The following CCDC180 variants were observed in gnomAD, a reference collection of about 807,000 sequenced individuals.
CCDC180 encodes coiled-coil domain-containing protein 180.
In CCDC180, 154 loss-of-function variants were observed where a neutral mutation model predicts 209.2. The observed-to-expected ratio is 0.74, with a 90% CI of 0.65 to 0.84. The LOEUF (loss-of-function observed/expected upper bound fraction) is 0.84, where lower values mean the gene tolerates loss of function less well. Among genes scored for constraint, CCDC180 ranks in the 40% least tolerant of loss-of-function variants. The pLI is 0.00. For missense variants in CCDC180, 1,874 were observed against 1,997.3 expected (o/e 0.94, Z 1.18); for synonymous variants, 778 against 749.1 (o/e 1.04, Z -0.63).
At chr9:97,362,167 A>G (rs751658633) in intron 27 of CCDC180, 29 bp from the exon 28 acceptor site, 24 of 1,594,242 alleles carry the variant, frequency 1.5e-5, no homozygotes, top group Admixed American at 1.3e-4. Context: ...TCACCGGAGA[A>G]GAGCTCACAC....
At chr9:97,361,063 G>A (rs1052396020) in intron 26 of CCDC180, among the ~76,000 whole-genome samples, 8 of 152,188 alleles carry the variant, frequency 5.3e-5, no homozygotes, top group African/African-American at 1.7e-4. Context: ...TAGCGTGAAG[G>A]TATTGAGTGA....
chr9:97,354,849 C>G, intron 23 of CCDC180, 43 bp from the exon 24 acceptor site: 2 of 1,565,212 alleles, frequency 1.3e-6, no homozygotes, highest in South Asian at 2.2e-5. Flanking sequence ...TCCAAAAGGT[C>G]CAAATTAAGC....
Position 97,312,186 on chromosome 9 carries a change from C to T in CCDC180, c.334C>T (p.Leu112Phe). 6.8e-6 allele frequency: 11 copies of T among 1,613,920 alleles called. No homozygotes were observed. The highest frequency in any genetic ancestry group is 8.5e-6 in the Non-Finnish European group (10 of 1,179,836). The change falls in exon 4 of 37, where the codon CTC (leucine) becomes TTC (phenylalanine). Residue 112 changes from leucine to phenylalanine, a missense_variant. Transcript: ENST00000529487. ...CATCGCTGCCCGAGAAGTGCGGGGTCTCATGGATACTATAGGTGAGCCTCC... is the reference window on the plus strand; with the variant it reads ...CATCGCTGCCCGAGAAGTGCGGGGTTTCATGGATACTATAGGTGAGCCTCC... ...NTIAAREVRG[L>F]MDTIVPEKIS... is the part of the protein sequence containing the mutation.
In CCDC180 at chr9:97,349,556, G is replaced by A. The variant is rs145857294; in HGVS notation, c.2855+265G>A. Among the ~76,000 whole-genome samples the A allele has an allele frequency of 3.6e-3, 552 of 152,338 alleles. 6 individuals carry two copies. Among genetic ancestry groups the A allele is most frequent in the African/African-American group, 0.013 (535 of 41,574 alleles). On this transcript the variant is annotated intron_variant, in intron 21 of 36. Transcript: ENST00000529487. ...CACCATGTGCTATGAAATATCAGTG[G>A]TGGGGAAGACCACTTCCCCTCAGGA... is the stretch of plus-strand genomic sequence containing the variant.
At chr9:97,311,066 G>A (rs1564144074) in intron 3 of CCDC180, among the ~76,000 whole-genome samples, 1 of 152,202 alleles carries the variant, frequency 6.6e-6, no homozygotes, top group Non-Finnish European at 1.5e-5. Flanking sequence ...GGGTGCAGGT[G>A]TTTGAAGATT....
Position 97,314,613 on chromosome 9 carries a change from C to T in CCDC180, c.589-5C>T, listed in dbSNP as rs1231057777. On this transcript the variant is annotated splice_region_variant and splice_polypyrimidine_tract_variant and intron_variant, in intron 6 of 36. Coordinates refer to ENST00000529487, the MANE Select transcript of CCDC180 (RefSeq NM_020893.6). ...TCCTAGCCTGACCCAAACTTCTCTG[C>T]GTAGGCCCTGCTGGAGCTGTGGGAT... The T allele has an allele frequency of 3.2e-5, 52 of 1,613,904 alleles. No homozygotes were observed. Among genetic ancestry groups the T allele is most frequent in the Non-Finnish European group, 4.0e-5 (47 of 1,179,974 alleles).
chr9:97,317,148 G>A lies in CCDC180; in HGVS notation c.879G>A (p.Glu293=). Residue 293 remains glutamate, a synonymous_variant, in exon 9 of 37, where the codon GAG becomes GAA. Coordinates refer to ENST00000529487, the MANE Select transcript of CCDC180 (RefSeq NM_020893.6). ...VNLMESTLQQ[E]LDSRHRWQGL... ...TGATGGAGTCCACCCTGCAGCAGGA[G>A]CTGGACAGCCGCCACCGCTGGCAAG... 6.2e-7 allele frequency: 1 copy of A among 1,613,356 alleles called. No homozygotes were observed. The highest frequency in any genetic ancestry group is 8.5e-7 in the Non-Finnish European group (1 of 1,179,824).
chr9:97,331,439 A>G (rs993013147), intron 18 of CCDC180, among the ~76,000 whole-genome samples: 4 of 152,194 alleles, frequency 2.6e-5, no homozygotes, highest in African/African-American at 9.7e-5. Context: ...TATATACACA[A>G]TAATGGGACT....
In CCDC180 at chr9:97,357,725, C is replaced by T. The variant is rs781760327; in HGVS notation, c.3363C>T (p.Thr1121=). Residue 1121 remains threonine, a splice_region_variant and synonymous_variant, in exon 25 of 37, where the codon ACC becomes ACT. Coordinates refer to ENST00000529487, the MANE Select transcript of CCDC180 (RefSeq NM_020893.6). The part of the protein sequence containing the change: ...KTCQESRGEK[T]TVTTEELLSF... Reference sequence around the variant, plus strand: ...GTCAAGAGTCCAGGGGAGAGAAAACCGTAAGTGTTCAATAGATTCTGCATG... The same window carrying T: ...GTCAAGAGTCCAGGGGAGAGAAAACTGTAAGTGTTCAATAGATTCTGCATG... The T allele has an allele frequency of 9.4e-6, 15 of 1,589,566 alleles. No homozygotes were observed. The African/African-American group carries it at 9.5e-5, about 10-fold the overall frequency.
intron 18 of CCDC180, among the ~76,000 whole-genome samples, chr9:97,337,375 G>C (rs1313520892): frequency 1.3e-5 from 2 of 152,158 alleles, no homozygotes; most frequent in Non-Finnish European, 2.9e-5. Flanking sequence ...TAGCATGAAG[G>C]CTGTTGAATT....
intron 18 of CCDC180, among the ~76,000 whole-genome samples, chr9:97,333,503 GTT>G (rs373215367): frequency 6.9e-5 from 5 of 72,852 alleles, no homozygotes; most frequent in African/African-American, 1.4e-4. Context: ...CTGGGTTTGG[GTT>G]TTTTTTTTTT....
chr9:97,314,838 T>G lies in CCDC180; in HGVS notation c.700-13T>G. 6.2e-7 allele frequency: 1 copy of G among 1,611,618 alleles called. No individual in the cohort carries two copies. The highest frequency in any genetic ancestry group is 2.2e-5 in the East Asian group (1 of 44,862). On this transcript the variant is annotated splice_polypyrimidine_tract_variant and intron_variant, in intron 7 of 36. Transcript: ENST00000529487. ...GAAGTGAGCCACTAAGTATGGTGCC[T>G]TGTCATTTCTAGCTAAAAAGCGTGT...
In CCDC180 at chr9:97,377,014, C is replaced by T. The variant is rs1245480800; in HGVS notation, c.*120C>T. ...TCATCCCTCCACCCCTGCTCTGTGC[C>T]GGGCACTGTAGCTTTACCAGCGAAC... On this transcript the variant is annotated 3_prime_UTR_variant, in exon 37 of 37. Transcript: ENST00000529487. The T allele has an allele frequency of 1.1e-5, 13 of 1,177,684 alleles. No homozygotes were observed. The highest frequency in any genetic ancestry group is 3.0e-4 in the Middle Eastern group (1 of 3,340). The allele number at this position is 1,177,684 out of a possible 1,614,324, so 73.0% of individuals were successfully genotyped here. A position where few individuals can be genotyped will look rare whatever the true frequency, so the allele number is the denominator to read the frequency against.
At chr9:97,327,355 C>T (rs185889678) in intron 15 of CCDC180, among the ~76,000 whole-genome samples, 11 of 151,974 alleles carry the variant, frequency 7.2e-5, no homozygotes, top group South Asian at 4.2e-4. Flanking sequence ...TGGATTATAC[C>T]GTGCAAATTG....
At chr9:97,324,623 G>A (rs1259254913) in intron 13 of CCDC180, among the ~76,000 whole-genome samples, 1 of 152,174 alleles carries the variant, frequency 6.6e-6, no homozygotes, top group African/African-American at 2.4e-5. Context: ...CACAGCAGGT[G>A]TGGTGTTTGG....
chr9:97,307,926 A>G (rs1832848452), intron 1 of CCDC180, 57 bp from the exon 2 acceptor site: 1 of 1,579,746 alleles, frequency 6.3e-7, no homozygotes, highest in Non-Finnish European at 8.6e-7. Context: ...TCGAGGCCAG[A>G]CGTCGTCCCG....
rs771955241 is a variant in CCDC180 at position 97,375,438 on chromosome 9, A to C, written c.4707-16A>C. 1 of 1,613,990 alleles carries C rather than the reference A, an allele frequency of 6.2e-7. No individual in the cohort carries two copies. The highest frequency in any genetic ancestry group is 8.5e-7 in the Non-Finnish European group (1 of 1,179,930). Reference sequence around the variant, plus strand: ...GAAGACAAGCCTGTGAGATTTTCACACATGTTTGTTTGTAGGAAGTGGCCA... The same window carrying C: ...GAAGACAAGCCTGTGAGATTTTCACCCATGTTTGTTTGTAGGAAGTGGCCA... On this transcript the variant is annotated splice_polypyrimidine_tract_variant and intron_variant, in intron 35 of 36. Transcript: ENST00000529487.
At chr9:97,353,954 A>G (rs986208752) in intron 22 of CCDC180, among the ~76,000 whole-genome samples, 7 of 149,724 alleles carry the variant, frequency 4.7e-5, no homozygotes, top group African/African-American at 1.7e-4. Context: ...GGTGCTGCCC[A>G]CATTCCAAGC....
At chr9:97,311,693 G>A (rs1289051433) in intron 3 of CCDC180, among the ~76,000 whole-genome samples, 1 of 152,174 alleles carries the variant, frequency 6.6e-6, no homozygotes, top group East Asian at 1.9e-4. Context: ...GGAAAATGAG[G>A]TTACCTCAAG....
Sources: gnomAD v4.1 joint callset for allele counts (sites outside exome capture counted in the v4.1 genomes callset) on GRCh38, gnomAD v4.1.1 for gene constraint, MANE v1.5 for transcripts, NCBI Gene and HGNC (gene_info 2026-07-23, HGNC 2026-07-21) for gene names.